ATP2B4: variants seen among roughly 807,000 people sequenced by gnomAD.
ATP2B4 encodes the protein plasma membrane calcium-transporting ATPase 4.
A neutral mutation model predicts 110.3 loss-of-function variants in ATP2B4; 39 were observed. That is an observed-to-expected ratio of 0.35 (90% CI 0.27 to 0.46). The LOEUF (loss-of-function observed/expected upper bound fraction) is 0.46. Ranked by LOEUF, ATP2B4 falls within the 20% of genes least tolerant of loss-of-function variation. The probability of loss-of-function intolerance (pLI) is 1.00; values close to 1 mark genes in which losing one functional copy is unlikely to be tolerated. For synonymous variants in ATP2B4, 538 were observed against 571.7 expected (o/e 0.94, Z 0.84); for missense variants, 1,135 against 1,530.9 (o/e 0.74, Z 4.32).
chr1:203,711,244 A>C, intron 12 of ATP2B4, 136 bp downstream of exon 12: 1 of 778,336 alleles, frequency 1.3e-6, no homozygotes, highest in South Asian at 1.7e-5. Context: ...GCTTCACAGG[A>C]CTGCTGTGGA....
intron 7 of ATP2B4, among the ~76,000 whole-genome samples, chr1:203,702,376 A>G (rs1330919567): frequency 6.6e-6 from 1 of 152,122 alleles, no homozygotes; most frequent in Non-Finnish European, 1.5e-5. Flanking sequence ...ACTCTGCTTC[A>G]TTGACCTCAG....
chr1:203,709,358 C>G lies in ATP2B4; in HGVS notation c.1615C>G (p.Leu539Val). ...RQVGNKTECA[L>V]LGFVTDLKQD... is the part of the protein sequence containing the mutation. Reference sequence around the variant, plus strand: ...GGTGGGCAACAAGACCGAGTGTGCTCTGCTAGGCTTTGTCACAGATCTGAA... The same window carrying G: ...GGTGGGCAACAAGACCGAGTGTGCTGTGCTAGGCTTTGTCACAGATCTGAA... The change falls in exon 11 of 21, where the codon CTG (leucine) becomes GTG (valine). Residue 539 changes from leucine to valine, a missense_variant. Leu to Val is a conservative substitution (Grantham distance 32). Transcript: ENST00000357681. 1 of 1,614,198 alleles carries G rather than the reference C, an allele frequency of 6.2e-7. No homozygotes were observed. Among genetic ancestry groups the G allele is most frequent in the South Asian group, 1.1e-5 (1 of 91,082 alleles).
At chr1:203,710,836 TG>T in intron 11 of ATP2B4, 40 bp from the exon 12 acceptor site, 1 of 1,450,996 alleles carries the variant, frequency 6.9e-7, no homozygotes, top group Non-Finnish European at 9.6e-7. Context: ...ACGTATTGAG[TG>T]GGAAGGGAGA....
intron 1 of ATP2B4, among the ~76,000 whole-genome samples, chr1:203,660,404 G>C (rs928124166): frequency 6.6e-6 from 1 of 151,808 alleles, no homozygotes; most frequent in African/African-American, 2.4e-5. Flanking sequence ...ATTGGGGTGA[G>C]AATGTATCAC....
At chr1:203,690,939 G>A (rs1417629984) in intron 2 of ATP2B4, among the ~76,000 whole-genome samples, 3 of 152,138 alleles carry the variant, frequency 2.0e-5, no homozygotes, top group African/African-American at 7.2e-5. Flanking sequence ...GGAATTCCCT[G>A]TCTGGTTTGA....
intron 1 of ATP2B4, among the ~76,000 whole-genome samples, chr1:203,653,981 ATATATT>A (rs1253532917): frequency 0.064 from 481 of 7,504 alleles, 1 homozygote; most frequent in East Asian, 0.24. Context: ...ATATATATAT[ATATATT>A]TTTTTTTTTT....
intron 18 of ATP2B4, among the ~76,000 whole-genome samples, chr1:203,723,467 CCTCT>C (rs1341051332): frequency 2.7e-5 from 2 of 74,126 alleles, no homozygotes; most frequent in African/African-American, 5.0e-5. Flanking sequence ...TCTCCCTCTG[CCTCT>C]CTCTCTCTCT....
chr1:203,687,072 C>G (rs1665216262), intron 2 of ATP2B4, among the ~76,000 whole-genome samples: 1 of 144,184 alleles, frequency 6.9e-6, no homozygotes, highest in East Asian at 2.1e-4. Flanking sequence ...CTCCTGGACT[C>G]AAGCAGTTCT....
chr1:203,671,731 C>T (rs1166135761), intron 1 of ATP2B4, among the ~76,000 whole-genome samples: 1 of 152,196 alleles, frequency 6.6e-6, no homozygotes, highest in African/African-American at 2.4e-5. Context: ...ACTAAGGGTC[C>T]TCACCACCTT....
At position 203,740,703 on chromosome 1, in the gene ATP2B4, T is replaced by C. The variant is rs1300678223; in HGVS notation, c.*849T>C. The C allele has an allele frequency of 1.3e-5, 2 of 152,296 alleles. No homozygotes were observed. Among genetic ancestry groups the C allele is most frequent in the Admixed American group, 1.3e-4 (2 of 15,272 alleles). 9.4% of individuals were successfully genotyped at this position (152,296 alleles called of 1,614,324 possible). A position where few individuals can be genotyped will look rare whatever the true frequency, so the allele number is the denominator to read the frequency against. ...TCTTAAGTGCCAGGGAGATCAGCCT[T>C]GCCCATGAAGGTTGCATATGTGTGG... is the stretch of plus-strand genomic sequence containing the variant. On this transcript the variant is annotated 3_prime_UTR_variant, in exon 21 of 21. Coordinates refer to ENST00000357681, the MANE Select transcript of ATP2B4 (RefSeq NM_001684.5).
At chr1:203,640,631 A>G (rs1663597958) in intron 1 of ATP2B4, among the ~76,000 whole-genome samples, 1 of 152,106 alleles carries the variant, frequency 6.6e-6, no homozygotes, top group African/African-American at 2.4e-5. Flanking sequence ...TGCTCTTGTC[A>G]CATCTTAAAT....
rs1282327221 is a variant in ATP2B4 at position 203,654,561 on chromosome 1, C to G, written c.-465+27342C>G. On this transcript the variant is annotated intron_variant, in intron 1 of 20. Coordinates refer to ENST00000357681, the MANE Select transcript of ATP2B4 (RefSeq NM_001684.5). ...GGATCTGGGCAAAGTGAATTGAAAACCTCTGGAAAGAATCCACCATTCTAG... is the reference window on the plus strand; with the variant it reads ...GGATCTGGGCAAAGTGAATTGAAAAGCTCTGGAAAGAATCCACCATTCTAG... 1.3e-5 allele frequency among the ~76,000 whole-genome samples: 2 copies of G among 152,116 alleles called. 1 individual carries two copies. Among genetic ancestry groups the G allele is most frequent in the Admixed American group, 1.3e-4 (2 of 15,266 alleles).
chr1:203,714,367 C>G (rs528242584), intron 15 of ATP2B4, 90 bp downstream of exon 15: 1 of 1,360,530 alleles, frequency 7.4e-7, no homozygotes, highest in African/African-American at 1.4e-5. Context: ...GCTTGCTACA[C>G]CTGCATAGCC....
At chr1:203,721,545 C>A in intron 17 of ATP2B4, 135 bp downstream of exon 17, 1 of 815,480 alleles carries the variant, frequency 1.2e-6, no homozygotes, top group Non-Finnish European at 1.9e-6. Context: ...TGTGCTCCCG[C>A]TACACGGTGC....
chr1:203,712,225 A>T, intron 13 of ATP2B4, 86 bp downstream of exon 13: 1 of 1,451,774 alleles, frequency 6.9e-7, no homozygotes, highest in South Asian at 1.3e-5. Context: ...ATGTGCGGGA[A>T]GGTGGGTGGT....
intron 20 of ATP2B4, chr1:203,733,291 T>G (rs751510704): frequency 6.2e-7 from 1 of 1,614,108 alleles, no homozygotes; most frequent in Non-Finnish European, 8.5e-7. Flanking sequence ...AGAACATGGG[T>G]CAACACCTTG....
chr1:203,730,597 G>A (rs998386345), intron 20 of ATP2B4, among the ~76,000 whole-genome samples: 3 of 152,152 alleles, frequency 2.0e-5, no homozygotes, highest in Non-Finnish European at 4.4e-5. Flanking sequence ...CCTCAGTCCA[G>A]TACCTCCTTG....
intron 14 of ATP2B4, among the ~76,000 whole-genome samples, chr1:203,713,800 T>C (rs1666082469): frequency 6.6e-6 from 1 of 152,166 alleles, no homozygotes; most frequent in Non-Finnish European, 1.5e-5. Context: ...TCATGTCTTA[T>C]TTACCAATAG....
At chr1:203,697,963 C>T (rs1665580846) in intron 2 of ATP2B4, among the ~76,000 whole-genome samples, 194 bp from the exon 3 acceptor site, 1 of 151,958 alleles carries the variant, frequency 6.6e-6, no homozygotes, top group East Asian at 1.9e-4. Context: ...CCTTGGCCTC[C>T]CAAAGTGCTA....
Sources: allele counts gnomAD v4.1 joint callset (sites outside exome capture counted in the v4.1 genomes callset), GRCh38; gene constraint gnomAD v4.1.1; transcripts MANE v1.5; gene names NCBI Gene and HGNC (gene_info 2026-07-23, HGNC 2026-07-21).